The following NDST4 variants were observed in gnomAD, a reference collection of about 807,000 sequenced individuals.
NDST4 encodes the protein N-deacetylase and N-sulfotransferase 4.
In NDST4, 63 loss-of-function variants were observed where a neutral mutation model predicts 100.8. That is an observed-to-expected ratio of 0.62 (90% CI 0.51 to 0.77). The LOEUF is 0.77. Ranked by LOEUF, NDST4 falls within the 30% of genes least tolerant of loss-of-function variation. The pLI, the probability that NDST4 is intolerant of heterozygous loss-of-function variation, is 0.00. For synonymous variants in NDST4, 377 were observed against 361.8 expected, an observed-to-expected ratio of 1.04 and a Z score of -0.48; for missense variants, 943 against 1,018.4, an observed-to-expected ratio of 0.93 and a Z score of 1.01.
intron 2 of NDST4, 47 bp from the exon 3 acceptor site, chr4:114,977,321 A>G: frequency 1.5e-6 from 2 of 1,345,240 alleles, no homozygotes; most frequent in Non-Finnish European, 2.1e-6. Flanking sequence ...ATAAATATGA[A>G]GTTTTGGGAT....
intron 6 of NDST4, among the ~76,000 whole-genome samples, chr4:114,896,999 A>C (rs1724729429): frequency 1.3e-5 from 2 of 152,272 alleles, no homozygotes; most frequent in East Asian, 3.9e-4. Flanking sequence ...CTGACCCCAC[A>C]TTTGCATAGA....
chr4:115,099,815 C>A (rs781564021), intron 1 of NDST4, among the ~76,000 whole-genome samples: 1 of 152,074 alleles, frequency 6.6e-6, no homozygotes, highest in Non-Finnish European at 1.5e-5. Context: ...TTGGTATTTA[C>A]TCAATGAGTT....
chr4:115,004,746 T>C (rs1418047699), intron 2 of NDST4, among the ~76,000 whole-genome samples: 2 of 152,214 alleles, frequency 1.3e-5, no homozygotes. Context: ...GTATGGTGTT[T>C]CTTTAGTACT....
chr4:114,845,864 T>C lies in NDST4; in HGVS notation c.2074A>G (p.Ile692Val), dbSNP rs747446051. 1.9e-6 allele frequency: 3 copies of C among 1,613,988 alleles called. No homozygotes were observed. Among genetic ancestry groups the C allele is most frequent in the South Asian group, 1.1e-5 (1 of 91,090 alleles). Residue 692 changes from isoleucine to valine, a missense_variant, in exon 10 of 14, where the codon ATC (isoleucine) becomes GTC (valine). This residue lies in a region of NDST4 where 526 missense variants were observed against 634.1 expected (regional missense o/e 0.83). Transcript: ENST00000264363. ...SLVPKAKIIT[I>V]LIDPSDRAYS... ...GCCCTGTCTGAGGGGTCAATGAGGA[T>C]GGTGATGATCTTGGCTTTGGGGACA...
chr4:115,065,694 G>T (rs930224969), intron 2 of NDST4, among the ~76,000 whole-genome samples: 8 of 152,024 alleles, frequency 5.3e-5, no homozygotes, highest in African/African-American at 1.7e-4. Flanking sequence ...TTCCAACTCT[G>T]ATTATGCCAC....
At chr4:115,108,588 A>G (rs1729878856) in intron 1 of NDST4, among the ~76,000 whole-genome samples, 1 of 151,920 alleles carries the variant, frequency 6.6e-6, no homozygotes, top group African/African-American at 2.4e-5. Flanking sequence ...ATTTTTTACC[A>G]CTAAGGTGCA....
intron 3 of NDST4, among the ~76,000 whole-genome samples, chr4:114,974,185 A>C (rs1726579134): frequency 2.0e-5 from 3 of 152,072 alleles, no homozygotes. Context: ...AACTGTGTTC[A>C]AATGCTGGCA....
At chr4:115,095,828 G>A (rs1488563966) in intron 1 of NDST4, among the ~76,000 whole-genome samples, 1 of 151,838 alleles carries the variant, frequency 6.6e-6, no homozygotes, top group Non-Finnish European at 1.5e-5. Flanking sequence ...TCATATGCTA[G>A]GTCTTTTCAT....
At chr4:114,950,121 A>C (rs1462207101) in intron 4 of NDST4, among the ~76,000 whole-genome samples, 2 of 152,002 alleles carry the variant, frequency 1.3e-5, no homozygotes, top group African/African-American at 2.4e-5. Context: ...AGTTGGATTT[A>C]GGGTACCTGA....
chr4:114,917,343 A>T (rs1465171327), intron 6 of NDST4, among the ~76,000 whole-genome samples: 1 of 152,208 alleles, frequency 6.6e-6, no homozygotes, highest in African/African-American at 2.4e-5. Flanking sequence ...TACCTCTGCA[A>T]TTACAGAAAT....
intron 7 of NDST4, among the ~76,000 whole-genome samples, chr4:114,857,732 A>G (rs1328809729): frequency 6.6e-6 from 1 of 152,218 alleles, no homozygotes; most frequent in Non-Finnish European, 1.5e-5. Flanking sequence ...CTTTGTGGAT[A>G]GACTTATAGC....
At chr4:114,873,531 A>G (rs1419143626) in intron 6 of NDST4, among the ~76,000 whole-genome samples, 3 of 152,002 alleles carry the variant, frequency 2.0e-5, no homozygotes, top group Non-Finnish European at 4.4e-5. Flanking sequence ...ATATAAACAT[A>G]ACACTGTCCA....
At chr4:114,986,886 TA>T (rs1288974421) in intron 2 of NDST4, among the ~76,000 whole-genome samples, 2,348 of 146,050 alleles carry the variant, frequency 0.016, 75 homozygotes, top group African/African-American at 0.057. Context: ...TTATAACTTA[TA>T]AAATTTTTTT....
chr4:114,911,535 T>C (rs1725062124), intron 6 of NDST4, among the ~76,000 whole-genome samples: 1 of 152,196 alleles, frequency 6.6e-6, no homozygotes, highest in Admixed American at 6.5e-5. Flanking sequence ...TTTTTTCTTA[T>C]GTCTCTGTAC....
chr4:114,985,799 T>C (rs1726887464), intron 2 of NDST4, among the ~76,000 whole-genome samples: 1 of 152,172 alleles, frequency 6.6e-6, no homozygotes, highest in Non-Finnish European at 1.5e-5. Context: ...TTCAACAAGG[T>C]AGACAATGAG....
intron 4 of NDST4, among the ~76,000 whole-genome samples, chr4:114,954,454 A>G (rs1726091430): frequency 6.6e-6 from 1 of 152,156 alleles, no homozygotes; most frequent in South Asian, 2.1e-4. Context: ...GGATTGAGGT[A>G]TATTAGAGAA....
At chr4:114,845,673 C>T in intron 10 of NDST4, 150 bp downstream of exon 10, 1 of 604,064 alleles carries the variant, frequency 1.7e-6, no homozygotes, top group Non-Finnish European at 2.7e-6. Context: ...ATATACAGCT[C>T]ATATTTCTCA....
chr4:114,923,953 A>G (rs1725337545), intron 6 of NDST4, among the ~76,000 whole-genome samples: 1 of 152,002 alleles, frequency 6.6e-6, no homozygotes, highest in Non-Finnish European at 1.5e-5. Context: ...AAAAAATGCA[A>G]TCTTACGGAT....
chr4:114,947,258 AG>A (rs1725887146), intron 4 of NDST4, among the ~76,000 whole-genome samples: 2 of 152,270 alleles, frequency 1.3e-5, no homozygotes, highest in African/African-American at 4.8e-5. Context: ...GAGGCTCTAT[AG>A]GGAAGTATGA....
Sources: allele counts gnomAD v4.1 joint callset (sites outside exome capture counted in the v4.1 genomes callset), GRCh38; gene constraint gnomAD v4.1.1; regional missense constraint gnomAD v4.1.1; transcripts MANE v1.5; gene names NCBI Gene and HGNC (gene_info 2026-07-23, HGNC 2026-07-21).